Variants in COMMD10 observed in about 807,000 individuals in gnomAD.
COMMD10 encodes the protein COMM domain containing 10, also known as COMM domain-containing protein 10.
In COMMD10, 33 loss-of-function variants were observed where a neutral mutation model predicts 28.9. The observed-to-expected ratio is 1.14, with a 90% CI of 0.87 to 1.53. The LOEUF (loss-of-function observed/expected upper bound fraction) is 1.53. Ranked by LOEUF, COMMD10 falls within the 40% of genes most tolerant of loss-of-function variation. The probability of loss-of-function intolerance (pLI) is 0.00; values close to 1 mark genes in which losing one functional copy is unlikely to be tolerated. For missense variants in COMMD10, 310 were observed against 233.4 expected, an observed-to-expected ratio of 1.33 and a Z score of -2.14; for synonymous variants, 110 against 81.7, an observed-to-expected ratio of 1.35 and a Z score of -1.87.
At position 116,121,076 on chromosome 5, in the gene COMMD10, G is replaced by A. The variant is rs540704128; in HGVS notation, c.400-12992G>A. Among the ~76,000 whole-genome samples, 232 of 151,988 alleles carry A rather than the reference G, an allele frequency of 1.5e-3. 1 individual carries two copies. The highest frequency in any genetic ancestry group is 7.1e-4 in the Non-Finnish European group (48 of 68,002). ...TATACATGTGCCATGTTGTTATGCC[G>A]CACCCATTAACTCATCATTTACATT... On this transcript the variant is annotated intron_variant, in intron 4 of 6. Coordinates refer to ENST00000274458, the MANE Select transcript of COMMD10 (RefSeq NM_016144.4).
At chr5:116,159,674 T>C (rs1003301178) in intron 5 of COMMD10, among the ~76,000 whole-genome samples, 1 of 152,030 alleles carries the variant, frequency 6.6e-6, no homozygotes, top group Non-Finnish European at 1.5e-5. Flanking sequence ...ACTGTGGAGG[T>C]TTATTCCAAG....
In COMMD10 at chr5:116,268,337, A is replaced by G. The variant is rs250324; in HGVS notation, c.511-23180A>G. On this transcript the variant is annotated intron_variant, in intron 5 of 6. Coordinates refer to ENST00000274458, the MANE Select transcript of COMMD10 (RefSeq NM_016144.4). ...AAAGAAGACATTTATGCAGCCAAAA[A>G]ACACATGAAAAAATGCTCATCATCA... Among the ~76,000 whole-genome samples the G allele has an allele frequency of 7.3e-3, 1,109 of 151,894 alleles. 31 individuals carry two copies. The highest frequency in any genetic ancestry group is 0.025 in the African/African-American group (1,050 of 41,238).
intron 5 of COMMD10, among the ~76,000 whole-genome samples, chr5:116,164,784 T>C (rs1454892871): frequency 6.6e-6 from 1 of 152,178 alleles, no homozygotes; most frequent in Non-Finnish European, 1.5e-5. Flanking sequence ...GAAAAATTTA[T>C]AATGTTCTTA....
In COMMD10 at chr5:116,232,629, G is replaced by C. The variant is rs184512312; in HGVS notation, c.511-58888G>C. On this transcript the variant is annotated intron_variant, in intron 5 of 6. Transcript: ENST00000274458. ...GACAAGAGAATTGCTTAAACCCCAG[G>C]GGGGCAGAGGTTGCAGTGAGCCAGG... is the stretch of plus-strand genomic sequence containing the variant. Among the ~76,000 whole-genome samples, 61 of 152,138 alleles carry C rather than the reference G, an allele frequency of 4.0e-4. No individual in the cohort carries two copies. The East Asian group carries it at 8.5e-3, about 21-fold the overall frequency.
intron 5 of COMMD10, among the ~76,000 whole-genome samples, chr5:116,199,652 C>G (rs749359625): frequency 5.9e-5 from 9 of 151,916 alleles, no homozygotes; most frequent in Admixed American, 5.9e-4. Flanking sequence ...AGTTTCTGAC[C>G]TGTCTCCTTT....
intron 5 of COMMD10, among the ~76,000 whole-genome samples, chr5:116,199,848 G>A (rs116491127): frequency 6.6e-6 from 1 of 152,234 alleles, no homozygotes; most frequent in African/African-American, 2.4e-5. Context: ...CAGAGTATCT[G>A]GGATTACAGG....
intron 4 of COMMD10, among the ~76,000 whole-genome samples, chr5:116,126,794 A>C (rs1751661278): frequency 6.6e-6 from 1 of 152,222 alleles, no homozygotes; most frequent in African/African-American, 2.4e-5. Flanking sequence ...TTAAAGACTT[A>C]AAAATTAGAC....
chr5:116,281,738 C>G (rs767235599), intron 5 of COMMD10, among the ~76,000 whole-genome samples: 27 of 151,776 alleles, frequency 1.8e-4, no homozygotes, highest in Non-Finnish European at 3.8e-4. Flanking sequence ...TACTCGTTTA[C>G]TGATTTATTT....
intron 5 of COMMD10, among the ~76,000 whole-genome samples, chr5:116,176,709 T>A (rs1186612827): frequency 2.0e-5 from 3 of 152,158 alleles, no homozygotes; most frequent in South Asian, 2.1e-4. Flanking sequence ...TTATTATTTT[T>A]AAAAAATTTC....
intron 5 of COMMD10, among the ~76,000 whole-genome samples, chr5:116,186,901 G>A (rs1308678358): frequency 1.3e-5 from 2 of 151,998 alleles, no homozygotes; most frequent in African/African-American, 2.4e-5. Context: ...CATCATAGGC[G>A]CACAACATAT....
At chr5:116,150,451 A>G (rs371192511) in intron 5 of COMMD10, among the ~76,000 whole-genome samples, 15 of 152,228 alleles carry the variant, frequency 9.9e-5, no homozygotes, top group East Asian at 5.8e-4. Flanking sequence ...CTTGGGAAGT[A>G]TGGCTATTTT....
chr5:116,289,395 A>AT (rs1337459479), intron 5 of COMMD10, among the ~76,000 whole-genome samples: 3 of 151,930 alleles, frequency 2.0e-5, no homozygotes, highest in African/African-American at 7.3e-5. Context: ...GGCTTTGTGC[A>AT]GGGGAAGACC....
intron 5 of COMMD10, among the ~76,000 whole-genome samples, chr5:116,270,660 G>C (rs1223473245): frequency 1.3e-5 from 2 of 151,708 alleles, no homozygotes; most frequent in Non-Finnish European, 2.9e-5. Context: ...AATTAGGACG[G>C]ACACGGTGGC....
intron 5 of COMMD10, among the ~76,000 whole-genome samples, chr5:116,153,963 G>T (rs956208550): frequency 2.0e-5 from 3 of 151,910 alleles, no homozygotes; most frequent in Non-Finnish European, 4.4e-5. Context: ...GAGAATTTAG[G>T]GGCATAAAAT....
At chr5:116,136,066 T>C (rs1034581417) in intron 5 of COMMD10, among the ~76,000 whole-genome samples, 2 of 152,218 alleles carry the variant, frequency 1.3e-5, no homozygotes, top group African/African-American at 4.8e-5. Context: ...AAAACTTTTT[T>C]GTTTTTGGCT....
At chr5:116,258,030 A>G (rs1260563341) in intron 5 of COMMD10, among the ~76,000 whole-genome samples, 3 of 151,796 alleles carry the variant, frequency 2.0e-5, no homozygotes, top group Non-Finnish European at 4.4e-5. Flanking sequence ...CAGGAATGGT[A>G]TAATGGTGAA....
In COMMD10 at chr5:116,217,837, G is replaced by A. The variant is rs564742561; in HGVS notation, c.511-73680G>A. 7.9e-5 allele frequency among the ~76,000 whole-genome samples: 12 copies of A among 151,870 alleles called. No homozygotes were observed. In the South Asian group the frequency reaches 2.5e-3, roughly 32 times the overall value. ...GTTTTCCCCACATCAATCCAGCTTC[G>A]AAGACACCCTATTAGTGACATATGC... is the stretch of plus-strand genomic sequence containing the variant. On this transcript the variant is annotated intron_variant, in intron 5 of 6. Coordinates refer to ENST00000274458, the MANE Select transcript of COMMD10 (RefSeq NM_016144.4).
At position 116,256,241 on chromosome 5, in the gene COMMD10, G is replaced by A. The variant is rs544920539; in HGVS notation, c.511-35276G>A. ...TTGTCCAAAATGATTTTGAATCACC[G>A]TTCGGACAGATCTTGAAGACTAGTG... On this transcript the variant is annotated intron_variant, in intron 5 of 6. Transcript: ENST00000274458. Among the ~76,000 whole-genome samples the A allele has an allele frequency of 1.3e-4, 19 of 151,764 alleles. No individual in the cohort carries two copies. The East Asian group carries it at 1.5e-3, about 12-fold the overall frequency.
chr5:116,246,920 A>G (rs1168288797), intron 5 of COMMD10, among the ~76,000 whole-genome samples: 2 of 152,144 alleles, frequency 1.3e-5, no homozygotes, highest in African/African-American at 4.8e-5. Context: ...GGCACGGGCA[A>G]AGATTTCATG....
Sources: gnomAD v4.1 joint callset for allele counts (sites outside exome capture counted in the v4.1 genomes callset) on GRCh38, gnomAD v4.1.1 for gene constraint, MANE v1.5 for transcripts, NCBI Gene and HGNC (gene_info 2026-07-23, HGNC 2026-07-21) for gene names.